ELMO1: variants seen among roughly 807,000 people sequenced by gnomAD.
The protein encoded by ELMO1 is engulfment and cell motility 1.
In ELMO1, 26 loss-of-function variants were observed where a neutral mutation model predicts 98.9. The observed-to-expected ratio is 0.26, with a 90% CI of 0.19 to 0.36. The LOEUF is 0.36. ELMO1 is among the 10% of genes least tolerant of loss of function. The probability of loss-of-function intolerance (pLI) is 1.00; values close to 1 mark genes in which losing one functional copy is unlikely to be tolerated. For synonymous variants in ELMO1, 346 were observed against 346.0 expected, an observed-to-expected ratio of 1.00 and a Z score of 0.00; for missense variants, 627 against 935.2, an observed-to-expected ratio of 0.67 and a Z score of 4.30.
At chr7:37,418,106 G>A (rs1380936450) in intron 1 of ELMO1, among the ~76,000 whole-genome samples, 1 of 152,012 alleles carries the variant, frequency 6.6e-6, no homozygotes, top group Non-Finnish European at 1.5e-5. Context: ...GGAGCCCCAG[G>A]AAACAAACTC....
At chr7:37,198,598 G>A (rs1178820593) in intron 13 of ELMO1, among the ~76,000 whole-genome samples, 1 of 152,214 alleles carries the variant, frequency 6.6e-6, no homozygotes, top group Non-Finnish European at 1.5e-5. Context: ...ACCAAAGGCT[G>A]CACTCGTAAA....
chr7:37,211,340 C>T, intron 13 of ELMO1, 46 bp downstream of exon 13: 1 of 1,613,010 alleles, frequency 6.2e-7, no homozygotes, highest in Non-Finnish European at 8.5e-7. Context: ...GAGGTCAGGC[C>T]CGGGGAGGCT....
At chr7:37,387,719 G>A (rs1473705212) in intron 1 of ELMO1, among the ~76,000 whole-genome samples, 2 of 152,194 alleles carry the variant, frequency 1.3e-5, no homozygotes, top group Non-Finnish European at 2.9e-5. Flanking sequence ...TCCACTCGCT[G>A]TCCTGAAAAG....
At chr7:37,394,210 G>C (rs937589128) in intron 1 of ELMO1, among the ~76,000 whole-genome samples, 5 of 152,170 alleles carry the variant, frequency 3.3e-5, no homozygotes, top group African/African-American at 1.2e-4. Context: ...GAAAGCTACA[G>C]GACAGCAGTG....
intron 8 of ELMO1, among the ~76,000 whole-genome samples, chr7:37,227,948 TGACATA>T (rs1793957901): frequency 6.6e-6 from 1 of 152,196 alleles, no homozygotes; most frequent in African/African-American, 2.4e-5. Context: ...ACCTCTTCCT[TGACATA>T]AATAAACTAA....
chr7:37,162,306 C>G (rs138234509), intron 13 of ELMO1, among the ~76,000 whole-genome samples: 266 of 152,232 alleles, frequency 1.7e-3, no homozygotes, highest in African/African-American at 6.0e-3. Context: ...AGATGAACAG[C>G]TGCCTCGTGG....
chr7:37,035,878 AGGAG>A (rs1295242086), intron 15 of ELMO1, among the ~76,000 whole-genome samples: 6 of 152,248 alleles, frequency 3.9e-5, no homozygotes, highest in Non-Finnish European at 8.8e-5. Flanking sequence ...CAACACCAAA[AGGAG>A]ATGGCTATGA....
At chr7:37,190,876 T>C (rs1176946240) in intron 13 of ELMO1, among the ~76,000 whole-genome samples, 2 of 152,030 alleles carry the variant, frequency 1.3e-5, no homozygotes, top group African/African-American at 4.8e-5. Context: ...AAAGCATACT[T>C]ACTTATACAA....
At chr7:37,181,718 A>G (rs1335674128) in intron 13 of ELMO1, among the ~76,000 whole-genome samples, 1 of 152,224 alleles carries the variant, frequency 6.6e-6, no homozygotes, top group Non-Finnish European at 1.5e-5. Context: ...TATTTTGCCC[A>G]GGGTCACACA....
intron 15 of ELMO1, among the ~76,000 whole-genome samples, chr7:37,021,685 GA>G (rs1005723464): frequency 3.3e-5 from 5 of 151,232 alleles, no homozygotes; most frequent in Non-Finnish European, 4.4e-5. Flanking sequence ...GAAAAGAAAA[GA>G]AAAAAAGAAA....
chr7:37,443,046 T>C (rs537801113), intron 1 of ELMO1, among the ~76,000 whole-genome samples: 7 of 152,302 alleles, frequency 4.6e-5, no homozygotes, highest in Admixed American at 4.6e-4. Flanking sequence ...CTGTTCTCCA[T>C]CATTTCCAAA....
chr7:37,279,562 C>T (rs1450619841), intron 4 of ELMO1, among the ~76,000 whole-genome samples: 1 of 152,186 alleles, frequency 6.6e-6, no homozygotes, highest in Non-Finnish European at 1.5e-5. Context: ...CGAAAACACA[C>T]CCCCACTAAA....
rs58906590 is a variant in ELMO1, at chr7:37,086,330, CTGTGTG to C, written c.1300+10283_1300+10288del. 4.3e-3 allele frequency among the ~76,000 whole-genome samples: 621 copies of C among 143,166 alleles called. 5 individuals are homozygous for C. The highest frequency in any genetic ancestry group is 0.012 in the African/African-American group (475 of 38,922). The allele number at this position is 143,166 out of a possible 152,430, so 93.9% of individuals were successfully genotyped here. ...GAAACATTTTTGTAACAATACATGACTGTGTGTGTGTGTGTGTGTGTGTGTGTGTGT... is the reference window on the plus strand; with the variant it reads ...GAAACATTTTTGTAACAATACATGACTGTGTGTGTGTGTGTGTGTGTGTGT... On this transcript the variant is annotated intron_variant, in intron 15 of 21. Coordinates refer to ENST00000310758, the MANE Select transcript of ELMO1 (RefSeq NM_014800.11).
At chr7:37,442,961 C>T (rs1229892656) in intron 1 of ELMO1, among the ~76,000 whole-genome samples, 1 of 152,202 alleles carries the variant, frequency 6.6e-6, no homozygotes, top group Non-Finnish European at 1.5e-5. Context: ...GGCTCAGATG[C>T]ACTCTCTAAG....
At chr7:37,163,495 C>T (rs760232271) in intron 13 of ELMO1, among the ~76,000 whole-genome samples, 1 of 150,644 alleles carries the variant, frequency 6.6e-6, no homozygotes, top group South Asian at 2.1e-4. Context: ...CCTCCCCCAT[C>T]CCCCAACCCC....
chr7:37,347,770 T>C (rs894377285), intron 1 of ELMO1, among the ~76,000 whole-genome samples: 5 of 152,108 alleles, frequency 3.3e-5, no homozygotes, highest in Non-Finnish European at 7.4e-5. Context: ...GGCGGTAAGC[T>C]AGCAAATCCT....
intron 14 of ELMO1, among the ~76,000 whole-genome samples, chr7:37,115,503 T>C (rs1467683289): frequency 6.6e-6 from 1 of 152,160 alleles, no homozygotes; most frequent in Non-Finnish European, 1.5e-5. Flanking sequence ...AGTTGTATAA[T>C]GGTATCAATA....
chr7:37,432,822 G>A (rs1224375568), intron 1 of ELMO1, among the ~76,000 whole-genome samples: 4 of 152,194 alleles, frequency 2.6e-5, no homozygotes, highest in Non-Finnish European at 5.9e-5. Flanking sequence ...GCCAAGAAAC[G>A]TTTTCTATGT....
chr7:36,904,811 A>G (rs1022492718), intron 16 of ELMO1, among the ~76,000 whole-genome samples: 3 of 152,218 alleles, frequency 2.0e-5, no homozygotes, highest in Non-Finnish European at 4.4e-5. Context: ...TTCTCTTTGC[A>G]GTCTGCTCTT....
Sources: allele counts gnomAD v4.1 joint callset (sites outside exome capture counted in the v4.1 genomes callset), GRCh38; gene constraint gnomAD v4.1.1; transcripts MANE v1.5; gene names NCBI Gene and HGNC (gene_info 2026-07-23, HGNC 2026-07-21).